Variants in MICAL2 observed in about 807,000 individuals in gnomAD.
MICAL2 encodes the protein [F-actin]-monooxygenase MICAL2.
A neutral mutation model predicts 127.3 loss-of-function variants in MICAL2; 77 were observed. The ratio of observed to expected loss-of-function variants is 0.60; its 90% CI spans 0.50 to 0.73. The LOEUF is 0.73. Among genes scored for constraint, MICAL2 ranks in the 30% least tolerant of loss-of-function variants. The pLI is 0.00. For synonymous variants in MICAL2, 570 were observed against 551.1 expected (o/e 1.03, Z -0.48); for missense variants, 1,351 against 1,434.4 (o/e 0.94, Z 0.94).
chr11:12,279,475 C>T (rs1344009511), intron 1 of MICAL2, among the ~76,000 whole-genome samples: 2 of 152,170 alleles, frequency 1.3e-5, no homozygotes, highest in Non-Finnish European at 2.9e-5. Context: ...AGGGAAATGA[C>T]CTGCCCTGGA....
chr11:12,313,154 C>A (rs1406864657), intron 29 of MICAL2, among the ~76,000 whole-genome samples: 1 of 86,040 alleles, frequency 1.2e-5, no homozygotes, highest in African/African-American at 4.9e-5. Context: ...GGCGACAGAG[C>A]AAGACTACAT....
At chr11:12,211,560 C>T (rs1855475210) in intron 6 of MICAL2, among the ~76,000 whole-genome samples, 2 of 152,132 alleles carry the variant, frequency 1.3e-5, no homozygotes, top group Admixed American at 1.3e-4. Flanking sequence ...AGGCACCTGG[C>T]CTTACACAAA....
At chr11:12,352,690 A>G (rs1410444297) in intron 33 of MICAL2, among the ~76,000 whole-genome samples, 1 of 152,248 alleles carries the variant, frequency 6.6e-6, no homozygotes, top group Non-Finnish European at 1.5e-5. Flanking sequence ...AAGACACTTC[A>G]AAGAACAAGA....
intron 2 of MICAL2, among the ~76,000 whole-genome samples, chr11:12,285,807 G>A (rs1011412286): frequency 1.3e-5 from 2 of 152,192 alleles, no homozygotes; most frequent in Non-Finnish European, 2.9e-5. Flanking sequence ...GAAAGACAGA[G>A]GGCTGGGCTA....
chr11:12,311,826 T>A (rs1864177677), intron 29 of MICAL2, among the ~76,000 whole-genome samples: 1 of 152,200 alleles, frequency 6.6e-6, no homozygotes, highest in Non-Finnish European at 1.5e-5. Context: ...ATTGGTGACA[T>A]TTTTATTAAA....
chr11:12,249,572 G>C (rs1411307105), intron 22 of MICAL2, among the ~76,000 whole-genome samples: 1 of 152,194 alleles, frequency 6.6e-6, no homozygotes, highest in Non-Finnish European at 1.5e-5. Context: ...CTCATACAGG[G>C]ACTCCTCAGT....
In MICAL2 at chr11:12,244,012, C is replaced by G. The variant is rs1236506324; in HGVS notation, c.2684C>G (p.Ser895Cys). The G allele has an allele frequency of 6.2e-7, 1 of 1,613,760 alleles. No homozygotes were observed. Among genetic ancestry groups the G allele is most frequent in the African/African-American group, 1.3e-5 (1 of 74,922 alleles). The stretch of plus-strand genomic sequence containing the variant: ...AATAAACTACTCTCTAAAGGCCTGT[C>G]TCATACTCATCCTCCATCTCCTCCC... ...PQNKLLSKGL[S>C]HTHPPSPPSR... The change falls in exon 21 of 28, where the codon TCT becomes TGT. Residue 895 changes from serine (S) to cysteine (C), a missense_variant. By Grantham distance (112) the Ser-to-Cys change is moderately radical. Coordinates refer to ENST00000683283, the MANE Select transcript of MICAL2 (RefSeq NM_001282663.2).
chr11:12,123,331 C>A (rs1464040718), intron 1 of MICAL2, among the ~76,000 whole-genome samples: 5 of 152,134 alleles, frequency 3.3e-5, no homozygotes, highest in Non-Finnish European at 7.4e-5. Flanking sequence ...TCATCAATGT[C>A]CATGGTTTTC....
intron 1 of MICAL2, among the ~76,000 whole-genome samples, chr11:12,127,859 C>T (rs1490069524): frequency 6.6e-6 from 1 of 152,142 alleles, no homozygotes; most frequent in Admixed American, 6.5e-5. Flanking sequence ...AAAAAGTCTA[C>T]TCATTTGACA....
At chr11:12,267,430 C>T (rs527574758), downstream of MICAL2, among the ~76,000 whole-genome samples, 129 of 152,254 alleles carry the variant, frequency 8.5e-4, no homozygotes, top group Non-Finnish European at 1.5e-3. Flanking sequence ...TTTCTCTTGA[C>T]CTCACACGAA....
chr11:12,279,628 C>T lies in MICAL2; in HGVS notation c.88-1305C>T, dbSNP rs370281791. ...GACTGGGAAGTCCAAGGGTGGTCCT[C>T]ATTCAGGCAGGGCAGGAGCCAGAGT... On this transcript the variant is annotated intron_variant, in intron 1 of 2. Transcript: ENST00000529028. Among the ~76,000 whole-genome samples the T allele has an allele frequency of 3.3e-5, 5 of 152,340 alleles. No homozygotes were observed. The South Asian group carries it at 6.2e-4, about 19-fold the overall frequency.
intron 12 of MICAL2, 137 bp from the exon 13 acceptor site, chr11:12,224,536 G>C: frequency 8.7e-7 from 1 of 1,147,888 alleles, no homozygotes; most frequent in Non-Finnish European, 1.2e-6. Context: ...ACCCGTGCCA[G>C]TGGCCCCCTG....
intron 15 of MICAL2, among the ~76,000 whole-genome samples, chr11:12,230,012 A>G (rs952282465): frequency 1.3e-5 from 2 of 152,178 alleles, no homozygotes; most frequent in African/African-American, 4.8e-5. Flanking sequence ...GCGATGGAGC[A>G]CTTCCTGTGG....
intron 32 of MICAL2, among the ~76,000 whole-genome samples, chr11:12,344,491 T>G (rs1488169254): frequency 1.4e-5 from 2 of 145,250 alleles, no homozygotes; most frequent in Non-Finnish European, 3.0e-5. Context: ...TTATTATTAT[T>G]ATTATTATTA....
At chr11:12,200,485 C>T (rs1406897520) in intron 3 of MICAL2, among the ~76,000 whole-genome samples, 2 of 152,216 alleles carry the variant, frequency 1.3e-5, no homozygotes, top group African/African-American at 2.4e-5. Flanking sequence ...GGTATTTGGC[C>T]TCTTGCCAGA....
intron 17 of MICAL2, among the ~76,000 whole-genome samples, 169 bp downstream of exon 17, chr11:12,239,754 G>C (rs931884846): frequency 2.0e-5 from 3 of 152,210 alleles, no homozygotes; most frequent in Admixed American, 2.0e-4. Flanking sequence ...CCAGATAGCA[G>C]TTTTTTAGTG....
At chr11:12,150,295 G>A (rs560632968) in intron 2 of MICAL2, among the ~76,000 whole-genome samples, 7 of 152,100 alleles carry the variant, frequency 4.6e-5, no homozygotes, top group East Asian at 3.9e-4. Context: ...TTTTCTAAGC[G>A]TGTTTGAGAA....
chr11:12,150,512 C>T (rs9804570), intron 2 of MICAL2, among the ~76,000 whole-genome samples: 43,240 of 151,922 alleles, frequency 0.28, 6,610 homozygotes, highest in Admixed American at 0.42. Flanking sequence ...AGCTGGGTTG[C>T]GAGCTGCTCT....
intron 33 of MICAL2, among the ~76,000 whole-genome samples, chr11:12,350,304 G>A (rs548436105): frequency 1.3e-5 from 2 of 152,248 alleles, no homozygotes; most frequent in East Asian, 3.9e-4. Flanking sequence ...ATCTTGGGAA[G>A]GACTCAGTGA....
Sources: gnomAD v4.1 joint callset for allele counts (sites outside exome capture counted in the v4.1 genomes callset) on GRCh38, gnomAD v4.1.1 for gene constraint, MANE v1.5 for transcripts, NCBI Gene and HGNC (gene_info 2026-07-23, HGNC 2026-07-21) for gene names.